COL1A2: variants seen among roughly 807,000 people sequenced by gnomAD.
COL1A2 encodes collagen alpha-2(I) chain.
In COL1A2, 49 loss-of-function variants were observed where a neutral mutation model predicts 174.3. The observed-to-expected ratio is 0.28, with a 90% CI of 0.22 to 0.36. The LOEUF is 0.36. Among genes scored for constraint, COL1A2 ranks in the 10% least tolerant of loss-of-function variants. The probability of loss-of-function intolerance (pLI) is 1.00; values close to 1 mark genes in which losing one functional copy is unlikely to be tolerated. For missense variants in COL1A2, 1,438 were observed against 1,822.7 expected, an observed-to-expected ratio of 0.79 and a Z score of 3.84; for synonymous variants, 655 against 606.6, an observed-to-expected ratio of 1.08 and a Z score of -1.17.
At chr7:94,412,267 A>AATTATGT in intron 24 of COL1A2, 146 bp downstream of exon 24, 1 of 801,116 alleles carries the variant, frequency 1.2e-6, no homozygotes, top group Admixed American at 2.0e-5. Context: ...AATAGATTGT[A>AATTATGT]ATTATGGAGT....
At chr7:94,400,817 C>A (rs969088560) in intron 5 of COL1A2, among the ~76,000 whole-genome samples, 1 of 152,120 alleles carries the variant, frequency 6.6e-6, no homozygotes, top group Non-Finnish European at 1.5e-5. Context: ...GCCAAATGAC[C>A]TCACTGCAGG....
Position 94,410,937 on chromosome 7 carries a change from G to A in COL1A2, c.1246G>A (p.Val416Ile), listed in dbSNP as rs550867796. ...GLPGADGRAG[V>I]MGPPGSRGAS... ...TCCTGGAGCTGATGGCAGAGCTGGC[G>A]TCATGGTAAGCTGTCTATCACTTAC... The change falls in exon 22 of 52, where the codon GTC (valine) becomes ATC (isoleucine). Residue 416 changes from valine (V) to isoleucine (I), a missense_variant. Transcript: ENST00000297268. 9.9e-5 allele frequency: 159 copies of A among 1,613,922 alleles called. No individual in the cohort carries two copies. Among genetic ancestry groups the A allele is most frequent in the South Asian group, 4.7e-4 (43 of 91,072 alleles).
At chr7:94,425,339 C>A (rs1562906958) in intron 42 of COL1A2, 115 bp downstream of exon 42, 1 of 1,029,098 alleles carries the variant, frequency 9.7e-7, no homozygotes. Context: ...TGGTCAGCTT[C>A]TCCATAGTAT....
chr7:94,423,291 A>T, intron 40 of COL1A2, 173 bp downstream of exon 40: 1 of 728,354 alleles, frequency 1.4e-6, no homozygotes, highest in Non-Finnish European at 2.3e-6. Flanking sequence ...GGCTTCCAAG[A>T]TGCTCAGAAA....
chr7:94,416,381 A>G (rs1389062022), intron 30 of COL1A2, 24 bp from the exon 31 acceptor site: 1 of 1,542,166 alleles, frequency 6.5e-7, no homozygotes, highest in East Asian at 2.4e-5. Context: ...ATGGTGCAAC[A>G]CTTCTTCTAA....
intron 50 of COL1A2, among the ~76,000 whole-genome samples, 181 bp from the exon 51 acceptor site, chr7:94,429,007 A>G (rs942318164): frequency 6.6e-6 from 1 of 152,176 alleles, no homozygotes; most frequent in Non-Finnish European, 1.5e-5. Context: ...ATGTTCATCT[A>G]GGTAACTGAT....
chr7:94,394,939 C>A lies in COL1A2; in HGVS notation c.-93C>A. The A allele has an allele frequency of 9.8e-7, 1 of 1,015,672 alleles. No individual in the cohort carries two copies. The highest frequency in any genetic ancestry group is 1.6e-6 in the Non-Finnish European group (1 of 636,854). 62.9% of individuals were successfully genotyped at this position (1,015,672 alleles called of 1,614,324 possible). ...GTTTCGGCTAAGTTGGAGGTACTGGCCACGACTGCATGCCCGCGCCCGCCA... is the reference window on the plus strand; with the variant it reads ...GTTTCGGCTAAGTTGGAGGTACTGGACACGACTGCATGCCCGCGCCCGCCA... On this transcript the variant is annotated 5_prime_UTR_variant, in exon 1 of 52. Transcript: ENST00000297268.
rs1431634515 is a variant in COL1A2 at position 94,421,237 on chromosome 7, T to A, written c.2349+175T>A. On this transcript the variant is annotated intron_variant, in intron 38 of 51. Transcript: ENST00000297268. ...ATGTTAACTTGAACTCAGCTGGAACTCAGTGTATGTTGCTATCAGCTCACT... is the reference window on the plus strand; with the variant it reads ...ATGTTAACTTGAACTCAGCTGGAACACAGTGTATGTTGCTATCAGCTCACT... 1.0e-5 allele frequency: 7 copies of A among 694,892 alleles called. No individual in the cohort carries two copies. In the East Asian group the frequency reaches 1.6e-4, roughly 16 times the overall value. 43.0% of individuals were successfully genotyped at this position (694,892 alleles called of 1,614,324 possible). A position where few individuals can be genotyped will look rare whatever the true frequency, so the allele number is the denominator to read the frequency against.
chr7:94,423,098 T>C lies in COL1A2; in HGVS notation c.2545T>C (p.Ser849Pro). Reference protein sequence around the residue: ...PPGFAGEKGPSGEAGTAGPPG... With the variant: ...PPGFAGEKGPPGEAGTAGPPG... ...TGGCTTCGCTGGTGAGAAGGGTCCC[T>C]CTGGAGAGGCTGGTACTGCTGTAAG... The change falls in exon 40 of 52, where the codon TCT becomes CCT. Residue 849 changes from serine (S) to proline (P), a missense_variant. Transcript: ENST00000297268. 1.2e-6 allele frequency: 2 copies of C among 1,614,178 alleles called. No individual in the cohort carries two copies. The highest frequency in any genetic ancestry group is 1.1e-5 in the South Asian group (1 of 91,076).
chr7:94,411,188 C>T, intron 23 of COL1A2, 34 bp downstream of exon 23: 2 of 1,439,352 alleles, frequency 1.4e-6, no homozygotes, highest in Non-Finnish European at 1.9e-6. Flanking sequence ...CAAATCACAC[C>T]TGGCATTACT....
intron 41 of COL1A2, 116 bp from the exon 42 acceptor site, chr7:94,425,001 A>G (rs1272471341): frequency 2.1e-5 from 18 of 865,168 alleles, no homozygotes; most frequent in Non-Finnish European, 3.1e-5. Flanking sequence ...ACCCATTCAC[A>G]TTCAATTTAC....
At chr7:94,407,988 T>C in intron 13 of COL1A2, 97 bp downstream of exon 13, 6 of 1,259,402 alleles carry the variant, frequency 4.8e-6, no homozygotes, top group Non-Finnish European at 6.9e-6. Flanking sequence ...TCCTTCAGCA[T>C]TGTATTCTTT....
chr7:94,397,731 C>CTT lies in COL1A2; in HGVS notation c.71-8_71-7dup, dbSNP rs144776919. 2.3e-3 allele frequency: 2,581 copies of CTT among 1,128,838 alleles called. No individual in the cohort carries two copies. Among genetic ancestry groups the CTT allele is most frequent in the Non-Finnish European group, 2.6e-3 (2,047 of 778,702 alleles). 69.9% of individuals were successfully genotyped at this position (1,128,838 alleles called of 1,614,324 possible). A position where few individuals can be genotyped will look rare whatever the true frequency, so the allele number is the denominator to read the frequency against. On this transcript the variant is annotated splice_polypyrimidine_tract_variant and intron_variant, in intron 1 of 51. Transcript: ENST00000297268. ...TACTAATAATTGTTTCCTACTTTTT[C>CTT]TTTTTTTTTTCTACAGCTTTACAAG...
intron 46 of COL1A2, 151 bp from the exon 47 acceptor site, chr7:94,426,857 T>C (rs1339548132): frequency 4.2e-6 from 3 of 717,438 alleles, no homozygotes; most frequent in Non-Finnish European, 7.2e-6. Context: ...ATAATAGACA[T>C]AATGGGAGAA....
At chr7:94,410,137 T>G in intron 19 of COL1A2, 105 bp from the exon 20 acceptor site, 1 of 1,151,234 alleles carries the variant, frequency 8.7e-7, no homozygotes, top group Non-Finnish European at 1.3e-6. Flanking sequence ...CCTAGAGAAC[T>G]TGAGCTTCTC....
chr7:94,427,144 T>A, intron 47 of COL1A2, 44 bp from the exon 48 acceptor site: 8 of 1,609,342 alleles, frequency 5.0e-6, no homozygotes, highest in Non-Finnish European at 6.8e-6. Flanking sequence ...GCTCCCTTGG[T>A]GGGATTCACC....
At chr7:94,425,703 T>TA in intron 43 of COL1A2, 40 bp downstream of exon 43, 1 of 1,614,080 alleles carries the variant, frequency 6.2e-7, no homozygotes, top group Non-Finnish European at 8.5e-7. Flanking sequence ...CAAAAGTGAT[T>TA]AAAATGCAAC....
chr7:94,399,417 G>T (rs1791642799), intron 4 of COL1A2, among the ~76,000 whole-genome samples: 1 of 152,054 alleles, frequency 6.6e-6, no homozygotes, highest in Admixed American at 6.6e-5. Flanking sequence ...CATTTCATTT[G>T]CTTTTGAACT....
chr7:94,425,047 T>G (rs1766866531), intron 41 of COL1A2, 70 bp from the exon 42 acceptor site: 8 of 1,328,014 alleles, frequency 6.0e-6, no homozygotes, highest in Non-Finnish European at 8.7e-6. Context: ...TGAGTAGGGT[T>G]GTTTTGGAGG....
Sources: allele counts gnomAD v4.1 joint callset (sites outside exome capture counted in the v4.1 genomes callset), GRCh38; gene constraint gnomAD v4.1.1; transcripts MANE v1.5; gene names NCBI Gene and HGNC (gene_info 2026-07-23, HGNC 2026-07-21).